The following ZNF475 variants were observed in gnomAD, a reference collection of about 807,000 sequenced individuals.
The protein encoded by ZNF475 is zinc finger protein 475.
chr5:122,166,800 C>A, the ZNF475 span, among the ~76,000 whole-genome samples: 1 of 152,154 alleles, frequency 6.6e-6, no homozygotes, highest in South Asian at 2.1e-4. Context: ...AATAAACATA[C>A]GTGTGCATGT....
At chr5:122,171,783 C>T in the ZNF475 span, among the ~76,000 whole-genome samples, 1 of 151,496 alleles carries the variant, frequency 6.6e-6, no homozygotes, top group Non-Finnish European at 1.5e-5. Flanking sequence ...CTGGTGCTCA[C>T]AGTGGAGTGC....
At chr5:122,161,917 A>G in the ZNF475 span, among the ~76,000 whole-genome samples, 6 of 152,022 alleles carry the variant, frequency 3.9e-5, no homozygotes, top group Non-Finnish European at 8.8e-5. Context: ...TCACCTTCCA[A>G]CTATGTTCTT....
chr5:122,179,492 C>T, the ZNF475 span: 1 of 786,354 alleles, frequency 1.3e-6, no homozygotes, highest in African/African-American at 1.8e-5. Flanking sequence ...GTATTTTATT[C>T]TCTTTGTAGC....
At chr5:122,173,672 CAT>C in the ZNF475 span, among the ~76,000 whole-genome samples, 1 of 152,080 alleles carries the variant, frequency 6.6e-6, no homozygotes, top group Non-Finnish European at 1.5e-5. Flanking sequence ...TAATTGAAAA[CAT>C]ATGAAAAGTT....
chr5:122,163,490 A>G, the ZNF475 span, among the ~76,000 whole-genome samples: 7 of 152,364 alleles, frequency 4.6e-5, no homozygotes, highest in Admixed American at 4.6e-4. Context: ...AACTTCCTGC[A>G]TTCTATGATA....
chr5:122,164,689 T>C, the ZNF475 span, among the ~76,000 whole-genome samples: 1 of 152,172 alleles, frequency 6.6e-6, no homozygotes, highest in Non-Finnish European at 1.5e-5. Flanking sequence ...AACCTTCTGA[T>C]AATTTTTAAG....
chr5:122,180,328 A>T, the ZNF475 span, among the ~76,000 whole-genome samples: 1 of 152,248 alleles, frequency 6.6e-6, no homozygotes, highest in Non-Finnish European at 1.5e-5. Flanking sequence ...TCATTAAGAA[A>T]TTTAGTCCAA....
the ZNF475 span, among the ~76,000 whole-genome samples, chr5:122,172,677 C>T: frequency 5.3e-4 from 81 of 152,300 alleles, 4 homozygotes; most frequent in South Asian, 0.017. Flanking sequence ...AATAACATCA[C>T]AGAACTATAC....
chr5:122,165,933 C>G, the ZNF475 span, among the ~76,000 whole-genome samples: 1 of 152,168 alleles, frequency 6.6e-6, no homozygotes, highest in African/African-American at 2.4e-5. Context: ...CTAAAATGAC[C>G]TCATCAAAAA....
the ZNF475 span, among the ~76,000 whole-genome samples, chr5:122,172,217 A>G: frequency 6.6e-6 from 1 of 152,142 alleles, no homozygotes; most frequent in Admixed American, 6.5e-5. Flanking sequence ...TCATGTATTT[A>G]TTATACAAGG....
chr5:122,169,245 C>G, the ZNF475 span, among the ~76,000 whole-genome samples: 1 of 152,152 alleles, frequency 6.6e-6, no homozygotes, highest in African/African-American at 2.4e-5. Context: ...TTCAATAAAC[C>G]CACTTCAGAT....
the ZNF475 span, among the ~76,000 whole-genome samples, chr5:122,165,293 T>G: frequency 6.9e-4 from 105 of 152,194 alleles, no homozygotes; most frequent in African/African-American, 2.4e-3. Context: ...TTTATTGGCT[T>G]TTGAAATTGA....
chr5:122,179,538 T>TGTTACTTGCA, the ZNF475 span: 17 of 1,431,602 alleles, frequency 1.2e-5, no homozygotes, highest in Non-Finnish European at 1.6e-5. Context: ...ATTTATTTTA[T>TGTTACTTGCA]GTTACTTGCA....
chr5:122,171,217 G>T, the ZNF475 span, among the ~76,000 whole-genome samples: 2 of 152,156 alleles, frequency 1.3e-5, no homozygotes, highest in East Asian at 3.9e-4. Context: ...CTTTAAGGCT[G>T]ATTTTATTAC....
the ZNF475 span, among the ~76,000 whole-genome samples, chr5:122,168,588 C>T: frequency 6.6e-6 from 1 of 152,222 alleles, no homozygotes; most frequent in East Asian, 1.9e-4. Flanking sequence ...CGGCCGGCGC[C>T]TGTAGTCCCA....
chr5:122,167,198 G>C, the ZNF475 span, among the ~76,000 whole-genome samples: 1 of 152,358 alleles, frequency 6.6e-6, no homozygotes, highest in East Asian at 1.9e-4. Context: ...ATGCACGTGG[G>C]TGCAGAGGAA....
At chr5:122,165,761 C>CAA in the ZNF475 span, among the ~76,000 whole-genome samples, 1 of 117,368 alleles carries the variant, frequency 8.5e-6, no homozygotes. Flanking sequence ...ATGCAACCTA[C>CAA]AAAAAAAAAA....
the ZNF475 span, among the ~76,000 whole-genome samples, chr5:122,180,466 G>T: frequency 6.6e-6 from 1 of 152,188 alleles, no homozygotes; most frequent in African/African-American, 2.4e-5. Context: ...AAACTACACT[G>T]CCATGTTTCG....
chr5:122,167,975 G>T, the ZNF475 span, among the ~76,000 whole-genome samples: 5 of 152,286 alleles, frequency 3.3e-5, no homozygotes, highest in East Asian at 7.7e-4. Context: ...CTCAGTAATA[G>T]ACCATTGAAT....
Sources: gnomAD v4.1 joint callset for allele counts (sites outside exome capture counted in the v4.1 genomes callset) on GRCh38, gnomAD v4.1.1 for gene constraint, MANE v1.5 for transcripts, NCBI Gene and HGNC (gene_info 2026-07-23, HGNC 2026-07-21) for gene names.